Variants in FDCSP observed in about 807,000 individuals in gnomAD.
The protein encoded by FDCSP is follicular dendritic cell secreted peptide.
A neutral mutation model predicts 8.9 loss-of-function variants in FDCSP; 8 were observed. That is an observed-to-expected ratio of 0.90 (90% CI 0.53 to 1.63). FDCSP has a LOEUF of 1.63. FDCSP is among the 40% of genes most tolerant of loss of function. The pLI, the probability that FDCSP is intolerant of heterozygous loss-of-function variation, is 0.00. For missense variants in FDCSP, 101 were observed against 103.6 expected (o/e 0.98, Z 0.11); for synonymous variants, 34 against 34.5 (o/e 0.98, Z 0.06).
At chr4:70,230,935 A>C (rs1254880085) in intron 1 of FDCSP, among the ~76,000 whole-genome samples, 1 of 151,700 alleles carries the variant, frequency 6.6e-6, no homozygotes. Context: ...ATAATATGTT[A>C]ATGTTTATTT....
chr4:70,228,765 A>G (rs1249258047), intron 1 of FDCSP, among the ~76,000 whole-genome samples: 1 of 151,806 alleles, frequency 6.6e-6, no homozygotes, highest in Non-Finnish European at 1.5e-5. Flanking sequence ...GCTCAGGTAC[A>G]TTTTCAATGA....
At chr4:70,234,485 A>G (rs752883622) in intron 4 of FDCSP, among the ~76,000 whole-genome samples, 6 of 151,660 alleles carry the variant, frequency 4.0e-5, no homozygotes, top group Non-Finnish European at 7.4e-5. Flanking sequence ...ATTGTTTACA[A>G]AGTATTTGTA....
chr4:70,232,052 T>C (rs1485194016), intron 2 of FDCSP, among the ~76,000 whole-genome samples: 2 of 151,800 alleles, frequency 1.3e-5, no homozygotes, highest in East Asian at 1.9e-4. Context: ...TAAGTGTTAT[T>C]ACAAAAGAGT....
chr4:70,231,847 C>T (rs1033878297), intron 2 of FDCSP, among the ~76,000 whole-genome samples: 2 of 151,590 alleles, frequency 1.3e-5, no homozygotes, highest in African/African-American at 4.8e-5. Context: ...TGAAGATCTT[C>T]CAGTAGGAAA....
chr4:70,230,360 T>C (rs1338376545), intron 1 of FDCSP, among the ~76,000 whole-genome samples: 1 of 151,778 alleles, frequency 6.6e-6, no homozygotes, highest in Non-Finnish European at 1.5e-5. Flanking sequence ...CAAATATTTA[T>C]AAATGCAAAT....
At chr4:70,229,719 A>C (rs1730047561) in intron 1 of FDCSP, among the ~76,000 whole-genome samples, 1 of 151,708 alleles carries the variant, frequency 6.6e-6, no homozygotes, top group Non-Finnish European at 1.5e-5. Flanking sequence ...AAACATTCAC[A>C]AGATTTATCA....
intron 2 of FDCSP, among the ~76,000 whole-genome samples, chr4:70,231,621 G>A (rs62307439): frequency 0.023 from 3,481 of 151,714 alleles, 58 homozygotes; most frequent in Non-Finnish European, 0.038. Context: ...TAAGAATAGA[G>A]CACAAAAAAT....
chr4:70,229,258 C>T (rs907023597), intron 1 of FDCSP, among the ~76,000 whole-genome samples: 2 of 151,694 alleles, frequency 1.3e-5, no homozygotes, highest in Non-Finnish European at 3.0e-5. Flanking sequence ...ATCTCTCAAT[C>T]TTTGTATAAT....
chr4:70,226,463 G>A (rs145557641), intron 1 of FDCSP, among the ~76,000 whole-genome samples: 1 of 151,878 alleles, frequency 6.6e-6, no homozygotes, highest in East Asian at 1.9e-4. Flanking sequence ...ACTGGTGGGG[G>A]AGAGTGTGGA....
chr4:70,234,587 T>A (rs1730143916), intron 4 of FDCSP, among the ~76,000 whole-genome samples: 1 of 151,604 alleles, frequency 6.6e-6, no homozygotes, highest in South Asian at 2.1e-4. Context: ...GGCCTAGAGT[T>A]TAAAGTAGAC....
At chr4:70,230,977 T>G (rs779638791) in intron 1 of FDCSP, among the ~76,000 whole-genome samples, 2 of 151,748 alleles carry the variant, frequency 1.3e-5, no homozygotes, top group African/African-American at 2.4e-5. Flanking sequence ...AGTTATGAAA[T>G]TACAAAGCTC....
At chr4:70,235,022 G>A (rs896117017) in intron 4 of FDCSP, 63 bp from the exon 5 acceptor site, 2 of 151,518 alleles carry the variant, frequency 1.3e-5, no homozygotes, top group Non-Finnish European at 3.0e-5. Flanking sequence ...TGCAGAAAAT[G>A]TATATGTTTC....
chr4:70,229,823 G>T (rs2109684371), intron 1 of FDCSP, among the ~76,000 whole-genome samples: 1 of 151,588 alleles, frequency 6.6e-6, no homozygotes, highest in African/African-American at 2.4e-5. Context: ...CACCATAAAA[G>T]ATATAATAAA....
chr4:70,227,464 A>G (rs1406372666), intron 1 of FDCSP, among the ~76,000 whole-genome samples: 1 of 151,762 alleles, frequency 6.6e-6, no homozygotes, highest in Non-Finnish European at 1.5e-5. Flanking sequence ...ATGTATAGGA[A>G]ACATCAAAAG....
In FDCSP at chr4:70,232,024, A is replaced by G. The variant is rs1514406; in HGVS notation, c.57+773A>G. ...TGAAAGTATTTTTGTACAGCTGTAA[A>G]ATGTGTTTGTTTTAAGCTAAGTGTT... On this transcript the variant is annotated intron_variant, in intron 2 of 4. Transcript: ENST00000317987. Among the ~76,000 whole-genome samples, 1,118 of 151,926 alleles carry G rather than the reference A, an allele frequency of 7.4e-3. 13 individuals carry two copies. The highest frequency in any genetic ancestry group is 0.025 in the African/African-American group (1,054 of 41,530).
intron 2 of FDCSP, 55 bp from the exon 3 acceptor site, chr4:70,232,939 T>C: frequency 7.1e-7 from 1 of 1,414,662 alleles, no homozygotes; most frequent in Non-Finnish European, 9.8e-7. Flanking sequence ...TGTATATATT[T>C]ATTTGTGTGT....
intron 1 of FDCSP, among the ~76,000 whole-genome samples, chr4:70,230,214 C>G (rs1169421865): frequency 1.3e-5 from 2 of 151,616 alleles, no homozygotes; most frequent in African/African-American, 4.8e-5. Flanking sequence ...CAGAACCCCC[C>G]ACATATTCTT....
At chr4:70,229,987 C>T (rs962870469) in intron 1 of FDCSP, among the ~76,000 whole-genome samples, 6 of 151,452 alleles carry the variant, frequency 4.0e-5, no homozygotes, top group East Asian at 1.9e-4. Flanking sequence ...TGCTCGATGC[C>T]GGATTGCCAC....
intron 1 of FDCSP, among the ~76,000 whole-genome samples, chr4:70,227,507 CA>C (rs1351317571): frequency 6.6e-6 from 1 of 151,514 alleles, no homozygotes; most frequent in Non-Finnish European, 1.5e-5. Flanking sequence ...TCCACTATCT[CA>C]AAGGTACTTC....
Sources: gnomAD v4.1 joint callset for allele counts (sites outside exome capture counted in the v4.1 genomes callset) on GRCh38, gnomAD v4.1.1 for gene constraint, MANE v1.5 for transcripts, NCBI Gene and HGNC (gene_info 2026-07-23, HGNC 2026-07-21) for gene names.